Variants in CCDC102B observed in about 807,000 individuals in gnomAD.
CCDC102B encodes the protein coiled-coil domain containing 102B, also known as coiled-coil domain-containing protein 102B.
CCDC102B carries 75 observed loss-of-function variants against 57.4 expected under a neutral mutation model. The observed-to-expected ratio is 1.31, with a 90% CI of 1.08 to 1.58. CCDC102B has a LOEUF of 1.58. CCDC102B is among the 40% of genes most tolerant of loss of function. CCDC102B has a pLI of 0.00. For missense variants in CCDC102B, 636 were observed against 582.6 expected (o/e 1.09, Z -0.94); for synonymous variants, 206 against 201.9 (o/e 1.02, Z -0.17).
chr18:68,822,506 C>A (rs1379271293), intron 1 of CCDC102B, among the ~76,000 whole-genome samples: 1 of 151,810 alleles, frequency 6.6e-6, no homozygotes, highest in Non-Finnish European at 1.5e-5. Context: ...TTATTTAATA[C>A]TATTATTATT....
intron 7 of CCDC102B, among the ~76,000 whole-genome samples, chr18:69,037,205 A>G (rs2052318816): frequency 6.6e-6 from 1 of 152,030 alleles, no homozygotes; most frequent in Non-Finnish European, 1.5e-5. Flanking sequence ...GACAGATTAT[A>G]AAGACACCCC....
intron 1 of CCDC102B, among the ~76,000 whole-genome samples, chr18:68,804,864 C>CTTTTTTT (rs202008892): frequency 2.8e-5 from 4 of 140,836 alleles, no homozygotes; most frequent in Non-Finnish European, 3.1e-5. Context: ...GGATCAAAAT[C>CTTTTTTT]TTTTTTTTTT....
intron 6 of CCDC102B, among the ~76,000 whole-genome samples, chr18:68,939,269 T>A (rs117832626): frequency 2.0e-5 from 3 of 151,906 alleles, no homozygotes; most frequent in Non-Finnish European, 4.4e-5. Flanking sequence ...TTCCTTATTC[T>A]GATATCAGGG....
chr18:69,045,534 T>C (rs1415150605), intron 7 of CCDC102B, among the ~76,000 whole-genome samples: 1 of 152,174 alleles, frequency 6.6e-6, no homozygotes. Flanking sequence ...AAATTTTACT[T>C]AAAGTATCAT....
At chr18:69,016,678 T>C (rs2051677828) in intron 7 of CCDC102B, among the ~76,000 whole-genome samples, 1 of 152,196 alleles carries the variant, frequency 6.6e-6, no homozygotes, top group Non-Finnish European at 1.5e-5. Flanking sequence ...GTATTCATAG[T>C]TGGCATTTCA....
chr18:69,030,754 A>G (rs8084271), intron 7 of CCDC102B, among the ~76,000 whole-genome samples: 4,946 of 152,246 alleles, frequency 0.032, 283 homozygotes, highest in African/African-American at 0.11. Context: ...TCCTGGGTTC[A>G]AGCAATTCTT....
At chr18:68,851,840 C>T (rs909988510) in intron 4 of CCDC102B, among the ~76,000 whole-genome samples, 1 of 152,118 alleles carries the variant, frequency 6.6e-6, no homozygotes, top group African/African-American at 2.4e-5. Flanking sequence ...TTACCTCACA[C>T]AATGGCAATG....
chr18:68,845,695 T>C (rs1020697710), intron 3 of CCDC102B, among the ~76,000 whole-genome samples: 1 of 151,866 alleles, frequency 6.6e-6, no homozygotes, highest in African/African-American at 2.4e-5. Context: ...AATCCAGTGG[T>C]TGGTGTATTA....
At position 69,053,326 on chromosome 18, in the gene CCDC102B, A is replaced by C. The variant is rs564924974; in HGVS notation, c.1435-704A>C. 2.7e-3 allele frequency among the ~76,000 whole-genome samples: 297 copies of C among 108,330 alleles called. 1 individual carries two copies. The highest frequency in any genetic ancestry group is 8.1e-3 in the African/African-American group (266 of 33,006). 71.1% of individuals were successfully genotyped at this position (108,330 alleles called of 152,430 possible). A position where few individuals can be genotyped will look rare whatever the true frequency, so the allele number is the denominator to read the frequency against. On this transcript the variant is annotated intron_variant, in intron 7 of 7. Transcript: ENST00000360242. ...TAATATATATAAATATATTTCACATATATATATATATACACTTAGCATATG... is the reference window on the plus strand; with the variant it reads ...TAATATATATAAATATATTTCACATCTATATATATATACACTTAGCATATG...
At chr18:68,881,336 T>C (rs2039686601) in intron 5 of CCDC102B, among the ~76,000 whole-genome samples, 1 of 152,232 alleles carries the variant, frequency 6.6e-6, no homozygotes, top group African/African-American at 2.4e-5. Context: ...ATGAATACTT[T>C]GTAGGTCTCA....
rs139416656 is a variant in CCDC102B, at chr18:68,878,813, G to C, written c.1053+4028G>C. ...GATGGGCAAGTGTAATTATTTAAAG[G>C]ACAGAACTATCAAAAAAACTAGTGG... On this transcript the variant is annotated intron_variant, in intron 5 of 7. Transcript: ENST00000360242. Among the ~76,000 whole-genome samples the C allele has an allele frequency of 1.5e-3, 230 of 152,282 alleles. 6 individuals are homozygous for C. The East Asian group carries it at 0.031, about 20-fold the overall frequency.
intron 6 of CCDC102B, among the ~76,000 whole-genome samples, chr18:68,897,991 T>C (rs1470848749): frequency 6.6e-6 from 1 of 152,104 alleles, no homozygotes. Flanking sequence ...AGAATTTAAA[T>C]TTGGGAAATT....
chr18:69,048,297 A>G (rs1250200476), intron 7 of CCDC102B, among the ~76,000 whole-genome samples: 2 of 152,030 alleles, frequency 1.3e-5, no homozygotes, highest in Non-Finnish European at 2.9e-5. Context: ...GAATAATATT[A>G]GTCAAACATT....
At chr18:68,855,986 T>A (rs1431267017) in intron 4 of CCDC102B, among the ~76,000 whole-genome samples, 1 of 152,142 alleles carries the variant, frequency 6.6e-6, no homozygotes. Context: ...CACTTTCTCG[T>A]GTTTGGTAGA....
chr18:69,035,709 A>C (rs574071064), intron 7 of CCDC102B, among the ~76,000 whole-genome samples: 1 of 152,252 alleles, frequency 6.6e-6, no homozygotes, highest in African/African-American at 2.4e-5. Flanking sequence ...ATTGTCATAC[A>C]GTCCTTAATA....
At chr18:68,772,308 G>T (rs1366451464) in intron 2 of CCDC102B, among the ~76,000 whole-genome samples, 1 of 151,960 alleles carries the variant, frequency 6.6e-6, no homozygotes, top group Non-Finnish European at 1.5e-5. Flanking sequence ...TGGAAAGTTG[G>T]AAATAATATG....
intron 6 of CCDC102B, among the ~76,000 whole-genome samples, chr18:68,937,167 A>G (rs551438119): frequency 1.1e-4 from 17 of 152,174 alleles, no homozygotes; most frequent in African/African-American, 3.9e-4. Context: ...TTGACCTAAC[A>G]CATGTGTTTT....
At chr18:68,880,090 AGG>A (rs2039624468) in intron 5 of CCDC102B, among the ~76,000 whole-genome samples, 1 of 151,510 alleles carries the variant, frequency 6.6e-6, no homozygotes, top group Admixed American at 6.6e-5. Flanking sequence ...GAGCCCATGG[AGG>A]GGGTGGAAGG....
chr18:69,021,404 A>T (rs1045289822), intron 7 of CCDC102B, among the ~76,000 whole-genome samples: 4 of 152,190 alleles, frequency 2.6e-5, no homozygotes. Flanking sequence ...TCACATGGGG[A>T]CACAGACAGT....
Sources: allele counts gnomAD v4.1 joint callset (sites outside exome capture counted in the v4.1 genomes callset), GRCh38; gene constraint gnomAD v4.1.1; transcripts MANE v1.5; gene names NCBI Gene and HGNC (gene_info 2026-07-23, HGNC 2026-07-21).